PAN3: variants seen among roughly 807,000 people sequenced by gnomAD.
PAN3 encodes poly(A) specific ribonuclease subunit PAN3.
In PAN3, 19 loss-of-function variants were observed where a neutral mutation model predicts 96.2. The observed-to-expected ratio is 0.20, with a 90% confidence interval of 0.14 to 0.29. The LOEUF is 0.29. Ranked by LOEUF, PAN3 falls within the 10% of genes least tolerant of loss-of-function variation. PAN3 has a pLI of 1.00. For missense variants in PAN3, 882 were observed against 1,108.1 expected, an observed-to-expected ratio of 0.80 and a Z score of 2.90; for synonymous variants, 433 against 406.6, an observed-to-expected ratio of 1.06 and a Z score of -0.78.
chr13:28,193,055 C>T (rs1409736530), intron 4 of PAN3, among the ~76,000 whole-genome samples: 2 of 152,156 alleles, frequency 1.3e-5, no homozygotes, highest in Non-Finnish European at 2.9e-5. Context: ...ACATAAAATA[C>T]ACCAACACTA....
intron 1 of PAN3, among the ~76,000 whole-genome samples, chr13:28,144,008 T>C (rs747540158): frequency 5.3e-5 from 8 of 151,948 alleles, no homozygotes; most frequent in Non-Finnish European, 1.0e-4. Context: ...TTTATTGGAA[T>C]AATATACTTA....
At chr13:28,261,325 G>A (rs9551455) in intron 8 of PAN3, 76 bp from the exon 9 acceptor site, 119,030 of 1,004,060 alleles carry the variant, frequency 0.12, 10,401 homozygotes, top group African/African-American at 0.37. Flanking sequence ...TTAATACTTA[G>A]GTTATTTAAT....
intron 5 of PAN3, among the ~76,000 whole-genome samples, chr13:28,200,995 T>C (rs1171659958): frequency 1.3e-5 from 2 of 152,142 alleles, no homozygotes; most frequent in African/African-American, 4.8e-5. Context: ...GCACTTAATA[T>C]TGCTGGCTAC....
chr13:28,216,972 G>A (rs953084691), intron 5 of PAN3, among the ~76,000 whole-genome samples: 3 of 151,852 alleles, frequency 2.0e-5, no homozygotes, highest in African/African-American at 7.3e-5. Flanking sequence ...AAATTAGCCG[G>A]GTGCGGTGGC....
At position 28,208,955 on chromosome 13, in the gene PAN3, T is replaced by G. The variant is rs45625539; in HGVS notation, c.853-11276T>G. On this transcript the variant is annotated intron_variant, in intron 5 of 18. Coordinates refer to ENST00000380958, the MANE Select transcript of PAN3 (RefSeq NM_175854.8). ...ATTATACAGTGGTCCTTCTGTATTC[T>G]GTGGGATTGGTTCTAGCAACAACCT... Among the ~76,000 whole-genome samples the G allele has an allele frequency of 4.9e-3, 739 of 152,304 alleles. 6 individuals carry two copies. Among genetic ancestry groups the G allele is most frequent in the Non-Finnish European group, 8.1e-3 (550 of 68,018 alleles).
chr13:28,249,082 A>G (rs568312934), intron 6 of PAN3, among the ~76,000 whole-genome samples: 5 of 152,268 alleles, frequency 3.3e-5, no homozygotes, highest in Middle Eastern at 6.8e-3. Flanking sequence ...TTAAATTTTG[A>G]TGAAGCCTGA....
At chr13:28,141,098 G>A (rs2137904385) in intron 1 of PAN3, among the ~76,000 whole-genome samples, 1 of 147,916 alleles carries the variant, frequency 6.8e-6, no homozygotes, top group South Asian at 2.1e-4. Flanking sequence ...CCACCTCCCA[G>A]GTTCAAGCAA....
intron 6 of PAN3, among the ~76,000 whole-genome samples, chr13:28,234,908 G>T (rs1038631321): frequency 6.6e-6 from 1 of 151,842 alleles, no homozygotes; most frequent in African/African-American, 2.4e-5. Context: ...CATCATAGCC[G>T]CTTCCATGCA....
rs142070418 is a variant in PAN3, at chr13:28,294,996, A to G, written c.*2474A>G. The G allele has an allele frequency of 2.3e-4, 35 of 151,042 alleles. 1 individual carries two copies. The East Asian group carries it at 7.0e-3, about 30-fold the overall frequency. The allele number at this position is 151,042 out of a possible 1,614,324, so 9.4% of individuals were successfully genotyped here. A position where few individuals can be genotyped will look rare whatever the true frequency, so the allele number is the denominator to read the frequency against. ...TAATAGAAAGATTTTAATATCCAAG[A>G]GTAGTCAAATTAAGGATATAAACTT... On this transcript the variant is annotated 3_prime_UTR_variant, in exon 19 of 19. Coordinates refer to ENST00000380958, the MANE Select transcript of PAN3 (RefSeq NM_175854.8).
intron 4 of PAN3, among the ~76,000 whole-genome samples, chr13:28,190,187 C>T (rs557666852): frequency 9.2e-5 from 14 of 152,174 alleles, no homozygotes; most frequent in Admixed American, 3.3e-4. Context: ...TCAGGTGATC[C>T]GCCCGCGTCG....
Position 28,223,871 on chromosome 13 carries a change from A to ATTT in PAN3, c.1000+3518_1000+3520dup, listed in dbSNP as rs560571140. On this transcript the variant is annotated intron_variant, in intron 6 of 18. Coordinates refer to ENST00000380958, the MANE Select transcript of PAN3 (RefSeq NM_175854.8). The stretch of plus-strand genomic sequence containing the variant: ...TTTAATTTTTGTGCCATGAAAAGTG[A>ATTT]TTTTTTTTTTTTTTTTTTTTTTTTT... Among the ~76,000 whole-genome samples, 51 of 75,046 alleles carry ATTT rather than the reference A, an allele frequency of 6.8e-4. 8 individuals are homozygous for ATTT. The highest frequency in any genetic ancestry group is 2.4e-3 in the African/African-American group (38 of 15,898). The allele number at this position is 75,046 out of a possible 152,430, so 49.2% of individuals were successfully genotyped here.
At chr13:28,156,849 G>T (rs1872233708) in intron 1 of PAN3, among the ~76,000 whole-genome samples, 1 of 151,974 alleles carries the variant, frequency 6.6e-6, no homozygotes, top group African/African-American at 2.4e-5. Context: ...TAAAAAATTA[G>T]CTGGGTGTGG....
intron 6 of PAN3, among the ~76,000 whole-genome samples, chr13:28,244,126 C>T (rs2138516987): frequency 6.6e-6 from 1 of 152,276 alleles, no homozygotes; most frequent in South Asian, 2.1e-4. Flanking sequence ...TTTTCCACTG[C>T]TTGCTTTCTG....
Position 28,174,944 on chromosome 13 carries a change from T to C in PAN3, c.552+551T>C, listed in dbSNP as rs45440098. ...TACTTGGAGCATTTTACATTAAAAA[T>C]GTCTTTGAATTTTTTTTAACCCCAC... On this transcript the variant is annotated intron_variant, in intron 2 of 18. Coordinates refer to ENST00000380958, the MANE Select transcript of PAN3 (RefSeq NM_175854.8). Among the ~76,000 whole-genome samples, 1,038 of 152,314 alleles carry C rather than the reference T, an allele frequency of 6.8e-3. 10 individuals carry two copies. Among genetic ancestry groups the C allele is most frequent in the African/African-American group, 0.024 (1,003 of 41,572 alleles).
At chr13:28,139,856 A>G (rs1342226471) in intron 1 of PAN3, among the ~76,000 whole-genome samples, 1 of 152,088 alleles carries the variant, frequency 6.6e-6, no homozygotes, top group Non-Finnish European at 1.5e-5. Context: ...TCTTGAATGC[A>G]TGTCATGTGC....
At chr13:28,189,851 T>C (rs1877010759) in intron 4 of PAN3, among the ~76,000 whole-genome samples, 1 of 152,210 alleles carries the variant, frequency 6.6e-6, no homozygotes, top group African/African-American at 2.4e-5. Context: ...GATTTCTGTG[T>C]TCACTATTGT....
intron 7 of PAN3, among the ~76,000 whole-genome samples, chr13:28,260,198 A>G (rs973304645): frequency 3.3e-5 from 5 of 151,910 alleles, no homozygotes; most frequent in African/African-American, 9.7e-5. Flanking sequence ...GGAGTTCAAG[A>G]CCAGCCTGGC....
At chr13:28,261,256 T>C (rs1034475711) in intron 8 of PAN3, 145 bp from the exon 9 acceptor site, 1 of 471,316 alleles carries the variant, frequency 2.1e-6, no homozygotes, top group Non-Finnish European at 3.7e-6. Context: ...TTACCATGTT[T>C]AGAAATGTTT....
intron 17 of PAN3, among the ~76,000 whole-genome samples, chr13:28,281,766 CT>C (rs10707261): frequency 0.72 from 82,966 of 114,880 alleles, 28,890 homozygotes; most frequent in South Asian, 0.79. Context: ...TTAAAGCACA[CT>C]TTTTTTTTTT....
Sources: gnomAD v4.1 joint callset for allele counts (sites outside exome capture counted in the v4.1 genomes callset) on GRCh38, gnomAD v4.1.1 for gene constraint, MANE v1.5 for transcripts, NCBI Gene and HGNC (gene_info 2026-07-23, HGNC 2026-07-21) for gene names.